The following JAK1 variants were observed in gnomAD, a reference collection of about 807,000 sequenced individuals.
The protein encoded by JAK1 is tyrosine-protein kinase JAK1.
Under a neutral mutation model 136.6 loss-of-function variants are expected in JAK1, and 16 were observed. The observed-to-expected ratio is 0.12, with a 90% CI of 0.08 to 0.18. The LOEUF (loss-of-function observed/expected upper bound fraction) is 0.18, where lower values mean the gene tolerates loss of function less well. Ranked by LOEUF, JAK1 falls within the 10% of genes least tolerant of loss-of-function variation. The pLI is 1.00. For missense variants in JAK1, 859 were observed against 1,450.1 expected, an observed-to-expected ratio of 0.59 and a Z score of 6.62; for synonymous variants, 492 against 519.5, an observed-to-expected ratio of 0.95 and a Z score of 0.72.
At chr1:64,928,150 C>T (rs536003285) in intron 1 of JAK1, among the ~76,000 whole-genome samples, 1 of 152,246 alleles carries the variant, frequency 6.6e-6, no homozygotes, top group East Asian at 1.9e-4. Flanking sequence ...GAAACAGCCG[C>T]TTGGGGTGAA....
At chr1:64,947,631 T>TC (rs1646011132) in intron 1 of JAK1, among the ~76,000 whole-genome samples, 2 of 151,744 alleles carry the variant, frequency 1.3e-5, no homozygotes, top group South Asian at 4.2e-4. Context: ...CCTTTTTTTT[T>TC]TTTAACTTAA....
At chr1:64,943,713 A>T (rs1645930278) in intron 1 of JAK1, among the ~76,000 whole-genome samples, 1 of 152,182 alleles carries the variant, frequency 6.6e-6, no homozygotes, top group South Asian at 2.1e-4. Flanking sequence ...GATTGATGTG[A>T]GTTCATGAAA....
At chr1:64,895,802 C>T (rs1483302833) in intron 1 of JAK1, among the ~76,000 whole-genome samples, 1 of 152,188 alleles carries the variant, frequency 6.6e-6, no homozygotes, top group East Asian at 1.9e-4. Flanking sequence ...TCTGCCAAAC[C>T]ACTCTTCTTA....
At chr1:65,015,963 T>C (rs1646888924) in intron 2 of JAK1, among the ~76,000 whole-genome samples, 1 of 152,200 alleles carries the variant, frequency 6.6e-6, no homozygotes, top group Admixed American at 6.5e-5. Flanking sequence ...ACCAACCAGA[T>C]GTATGAACGA....
chr1:65,022,298 CATTTTTTT>C (rs1646944350), intron 2 of JAK1, among the ~76,000 whole-genome samples: 1 of 152,108 alleles, frequency 6.6e-6, no homozygotes, highest in Non-Finnish European at 1.5e-5. Flanking sequence ...CCCACATTGC[CATTTTTTT>C]ATTTTTTTAT....
chr1:65,024,885 G>A (rs950824572), intron 2 of JAK1, among the ~76,000 whole-genome samples: 4 of 152,064 alleles, frequency 2.6e-5, no homozygotes, highest in Admixed American at 6.6e-5. Flanking sequence ...GCTGAGGCAC[G>A]AGAATCATTT....
chr1:64,932,497 A>G (rs980034415), intron 1 of JAK1, among the ~76,000 whole-genome samples: 2 of 152,226 alleles, frequency 1.3e-5, no homozygotes, highest in African/African-American at 4.8e-5. Flanking sequence ...ATAAGTGTCG[A>G]GGTTGGGTTC....
chr1:64,972,178 C>T (rs975882098), intron 2 of JAK1: 2 of 152,132 alleles, frequency 1.3e-5, no homozygotes, highest in Non-Finnish European at 2.9e-5. Context: ...CTTCCACATG[C>T]ACATTGATAT....
At chr1:64,849,776 G>A (rs1655471104) in intron 12 of JAK1, among the ~76,000 whole-genome samples, 1 of 152,198 alleles carries the variant, frequency 6.6e-6, no homozygotes, top group Admixed American at 6.5e-5. Context: ...AGGCCCCACA[G>A]ACTATGTCAA....
chr1:65,067,327 C>T (rs1370399384), intron 1 of JAK1, among the ~76,000 whole-genome samples: 1 of 149,998 alleles, frequency 6.7e-6, no homozygotes, highest in East Asian at 1.9e-4. Flanking sequence ...CCGAGCCCCA[C>T]GGCTGCGTGT....
At chr1:64,907,316 A>G (rs72675478) in intron 1 of JAK1, among the ~76,000 whole-genome samples, 7,571 of 152,274 alleles carry the variant, frequency 0.05, 316 homozygotes, top group Admixed American at 0.14. Context: ...TGGGTTCTGA[A>G]AGGTTTTGAT....
Position 64,846,974 on chromosome 1 carries a change from G to A in JAK1, c.1900-238C>T. 7 of 545,100 alleles carry A rather than the reference G, an allele frequency of 1.3e-5. No homozygotes were observed. The South Asian group carries it at 1.8e-4, about 14-fold the overall frequency. 33.8% of individuals were successfully genotyped at this position (545,100 alleles called of 1,614,324 possible). On this transcript the variant is annotated intron_variant, in intron 13 of 24. Transcript: ENST00000342505. ...GAAAACCTAACAGGATGCAGAGCAG[G>A]GCTGGTGGGAGAAGCTGGCTAAGAA...
rs564476231 is a variant in JAK1, at chr1:65,028,815, G to A, written c.-78+15665C>T. Among the ~76,000 whole-genome samples, 10 of 152,288 alleles carry A rather than the reference G, an allele frequency of 6.6e-5. No homozygotes were observed. In the South Asian group the frequency reaches 2.1e-3, roughly 32 times the overall value. On this transcript the variant is annotated intron_variant, in intron 2 of 25. Transcript: ENST00000671954. ...CATCCCTATTTTGTGGGCAAGGAGG[G>A]TGAGGCCCAAATAACATGGCCAATG... is the stretch of plus-strand genomic sequence containing the variant.
At chr1:64,889,024 G>A (rs1342254820) in intron 1 of JAK1, among the ~76,000 whole-genome samples, 1 of 152,186 alleles carries the variant, frequency 6.6e-6, no homozygotes, top group African/African-American at 2.4e-5. Flanking sequence ...CATTCAGGAT[G>A]ACAAGCGGTT....
At chr1:64,866,738 A>G (rs1012196253) in intron 7 of JAK1, 128 bp downstream of exon 7, 128 of 658,304 alleles carry the variant, frequency 1.9e-4, no homozygotes, top group Non-Finnish European at 3.0e-4. Flanking sequence ...TGAATGATAC[A>G]TGGTCTCCTA....
rs911795198 is a variant in JAK1 at position 64,985,618 on chromosome 1, G to C, written c.-78+58862C>G. 157 of 853,684 alleles carry C rather than the reference G, an allele frequency of 1.8e-4. 1 individual carries two copies. The highest frequency in any genetic ancestry group is 1.5e-4 in the Non-Finnish European group (77 of 521,526). The allele number at this position is 853,684 out of a possible 1,614,324, so 52.9% of individuals were successfully genotyped here. ...ACCAGAATTCCAACAACAATGCCCAGCTGGTTGAGAGTGCCAAAGACACCT... is the reference window on the plus strand; with the variant it reads ...ACCAGAATTCCAACAACAATGCCCACCTGGTTGAGAGTGCCAAAGACACCT... On this transcript the variant is annotated intron_variant, in intron 2 of 25. Coordinates refer to the JAK1 transcript ENST00000671954.
chr1:64,883,506 T>A, intron 2 of JAK1, 31 bp from the exon 3 acceptor site: 1 of 1,583,122 alleles, frequency 6.3e-7, no homozygotes, highest in Non-Finnish European at 8.7e-7. Context: ...GACTATGTGG[T>A]CACTCTATGT....
chr1:64,988,066 TGA>T (rs1400425154), intron 2 of JAK1, among the ~76,000 whole-genome samples: 1 of 152,192 alleles, frequency 6.6e-6, no homozygotes, highest in Non-Finnish European at 1.5e-5. Flanking sequence ...CCCTGGCTCA[TGA>T]GAGTCAATTA....
intron 4 of JAK1, among the ~76,000 whole-genome samples, chr1:64,878,393 C>T (rs1160976017): frequency 6.6e-6 from 1 of 152,050 alleles, no homozygotes; most frequent in Admixed American, 6.5e-5. Context: ...AGAAAAATTA[C>T]AGCTCCACAG....
Sources: gnomAD v4.1 joint callset for allele counts (sites outside exome capture counted in the v4.1 genomes callset) on GRCh38, gnomAD v4.1.1 for gene constraint, MANE v1.5 for transcripts, NCBI Gene and HGNC (gene_info 2026-07-23, HGNC 2026-07-21) for gene names.